R3HDM1: variants seen among roughly 807,000 people sequenced by gnomAD.
The protein encoded by R3HDM1 is R3H domain containing 1.
In R3HDM1, 46 loss-of-function variants were observed where a neutral mutation model predicts 141.1. The ratio of observed to expected loss-of-function variants is 0.33; its 90% CI spans 0.26 to 0.42. The LOEUF is 0.42. Among genes scored for constraint, R3HDM1 ranks in the 10% least tolerant of loss-of-function variants. R3HDM1 has a pLI of 1.00. For missense variants in R3HDM1, 1,184 were observed against 1,368.3 expected, an observed-to-expected ratio of 0.87 and a Z score of 2.12; for synonymous variants, 435 against 472.9, an observed-to-expected ratio of 0.92 and a Z score of 1.04.
intron 1 of R3HDM1, chr2:135,590,769 A>G (rs1393051463): frequency 1.0e-6 from 1 of 968,352 alleles, no homozygotes; most frequent in African/African-American, 1.8e-5. Context: ...TGTTGTACAC[A>G]TCCTTTTATA....
chr2:135,676,648 G>A (rs2069220998), intron 20 of R3HDM1, among the ~76,000 whole-genome samples: 1 of 151,994 alleles, frequency 6.6e-6, no homozygotes, highest in Non-Finnish European at 1.5e-5. Flanking sequence ...CCATTTCTTT[G>A]AAAAATACAA....
rs2076992577 is a variant in R3HDM1, at chr2:135,724,352, C to T, written c.*60C>T. ...CCTGCCCTCTCCCATCTTTGATTGG[C>T]TTGGTATTTGGAGCTTCTGTTAACA... On this transcript the variant is annotated 3_prime_UTR_variant, in exon 27 of 27. Coordinates refer to ENST00000683871, the MANE Select transcript of R3HDM1 (RefSeq NM_001378107.1). The T allele has an allele frequency of 7.7e-7, 1 of 1,299,790 alleles. No homozygotes were observed. Among genetic ancestry groups the T allele is most frequent in the African/African-American group, 1.5e-5 (1 of 67,866 alleles). The allele number at this position is 1,299,790 out of a possible 1,614,324, so 80.5% of individuals were successfully genotyped here.
intron 14 of R3HDM1, 108 bp from the exon 15 acceptor site, chr2:135,641,428 T>C: frequency 7.9e-7 from 1 of 1,266,044 alleles, no homozygotes. Flanking sequence ...CCAATGCTTT[T>C]ATGTAGTAAC....
At chr2:135,556,504 G>A (rs1287385462) in intron 1 of R3HDM1, among the ~76,000 whole-genome samples, 2 of 151,604 alleles carry the variant, frequency 1.3e-5, no homozygotes, top group Non-Finnish European at 2.9e-5. Context: ...CATTTATTAT[G>A]CATGTGCTAT....
intron 1 of R3HDM1, among the ~76,000 whole-genome samples, chr2:135,549,003 C>T (rs1170106528): frequency 6.6e-6 from 1 of 152,194 alleles, no homozygotes; most frequent in South Asian, 2.1e-4. Context: ...ATTTCTTGTT[C>T]TCAGTAATAA....
At chr2:135,672,058 G>C (rs1559397463) in intron 19 of R3HDM1, among the ~76,000 whole-genome samples, 1 of 151,960 alleles carries the variant, frequency 6.6e-6, no homozygotes, top group Non-Finnish European at 1.5e-5. Context: ...TATGAGATGT[G>C]GCATAAGAGA....
At chr2:135,616,638 G>C (rs758838189) in intron 4 of R3HDM1, 30 bp from the exon 5 acceptor site, 36 of 1,521,752 alleles carry the variant, frequency 2.4e-5, no homozygotes, top group Non-Finnish European at 3.2e-5. Flanking sequence ...TTTCTGAAAT[G>C]TAGTGTTAAT....
intron 23 of R3HDM1, among the ~76,000 whole-genome samples, chr2:135,713,290 A>G (rs1021664677): frequency 1.3e-5 from 2 of 152,222 alleles, no homozygotes; most frequent in African/African-American, 2.4e-5. Flanking sequence ...ATATAAAACT[A>G]CTTTTCATCT....
chr2:135,589,185 C>G (rs753992134), intron 1 of R3HDM1, among the ~76,000 whole-genome samples: 3 of 152,076 alleles, frequency 2.0e-5, no homozygotes, highest in Non-Finnish European at 4.4e-5. Context: ...TTTGTCATAA[C>G]TAGCATAAAG....
At chr2:135,693,476 G>A (rs1422874351) in intron 21 of R3HDM1, among the ~76,000 whole-genome samples, 1 of 152,180 alleles carries the variant, frequency 6.6e-6, no homozygotes, top group Admixed American at 6.5e-5. Flanking sequence ...GATGTTGTAG[G>A]GGGTGAGGAA....
intron 7 of R3HDM1, among the ~76,000 whole-genome samples, chr2:135,630,339 C>CTAT (rs144481159): frequency 1.1e-4 from 15 of 133,532 alleles, no homozygotes; most frequent in African/African-American, 4.2e-4. Flanking sequence ...CATACTTCTA[C>CTAT]TATCATATAC....
intron 21 of R3HDM1, among the ~76,000 whole-genome samples, chr2:135,687,370 T>C (rs1559437932): frequency 6.6e-6 from 1 of 152,222 alleles, no homozygotes; most frequent in Non-Finnish European, 1.5e-5. Flanking sequence ...TATAGTCATA[T>C]TGTGTTGTAC....
chr2:135,561,402 A>G (rs1025183746), intron 1 of R3HDM1: 1 of 887,358 alleles, frequency 1.1e-6, no homozygotes, highest in Non-Finnish European at 1.4e-6. Context: ...ACAGAATAAA[A>G]TAGCAAATGA....
At chr2:135,541,831 G>T (rs1206824355) in intron 1 of R3HDM1, among the ~76,000 whole-genome samples, 1 of 141,794 alleles carries the variant, frequency 7.1e-6, no homozygotes, top group Non-Finnish European at 1.5e-5. Context: ...CTCAAGAGTT[G>T]CCACAAACCT....
intron 1 of R3HDM1, among the ~76,000 whole-genome samples, chr2:135,579,454 CTA>C (rs1480757696): frequency 2.6e-5 from 4 of 152,080 alleles, no homozygotes; most frequent in Non-Finnish European, 4.4e-5. Flanking sequence ...GCAGACAACA[CTA>C]TGATAAATAT....
intron 21 of R3HDM1, among the ~76,000 whole-genome samples, chr2:135,702,203 C>T (rs1048272287): frequency 1.4e-4 from 17 of 124,472 alleles, no homozygotes; most frequent in African/African-American, 5.9e-4. Context: ...CAGAGCAAGA[C>T]GTTGTCTCAG....
At chr2:135,540,254 C>T (rs1697170575) in intron 1 of R3HDM1, among the ~76,000 whole-genome samples, 1 of 152,208 alleles carries the variant, frequency 6.6e-6, no homozygotes, top group Non-Finnish European at 1.5e-5. Context: ...ACTGTTTCCA[C>T]CACATCTGTA....
At chr2:135,720,051 G>A (rs1188151324) in intron 24 of R3HDM1, among the ~76,000 whole-genome samples, 2 of 151,994 alleles carry the variant, frequency 1.3e-5, no homozygotes, top group Non-Finnish European at 2.9e-5. Context: ...TCACCATGTT[G>A]GCCAGGCTGA....
At position 135,667,675 on chromosome 2, in the gene R3HDM1, T is replaced by C. The variant is rs192246799; in HGVS notation, c.2152+6282T>C. 36 of 977,626 alleles carry C rather than the reference T, an allele frequency of 3.7e-5. No individual in the cohort carries two copies. The African/African-American group carries it at 5.2e-4, about 14-fold the overall frequency. 60.6% of individuals were successfully genotyped at this position (977,626 alleles called of 1,614,324 possible). On this transcript the variant is annotated intron_variant, in intron 19 of 26. Transcript: ENST00000683871. ...CGGGATACTGGAAATACTCTTCTTG[T>C]AGCATTTTTGAAACCTGTTGATACT...
Sources: allele counts gnomAD v4.1 joint callset (sites outside exome capture counted in the v4.1 genomes callset), GRCh38; gene constraint gnomAD v4.1.1; transcripts MANE v1.5; gene names NCBI Gene and HGNC (gene_info 2026-07-23, HGNC 2026-07-21).